The following C4orf51 variants were observed in gnomAD, a reference collection of about 807,000 sequenced individuals.
The protein encoded by C4orf51 is chromosome 4 open reading frame 51.
C4orf51 carries 25 observed loss-of-function variants against 25.2 expected under a neutral mutation model. The ratio of observed to expected loss-of-function variants is 0.99; its 90% CI spans 0.72 to 1.39. C4orf51 has a LOEUF of 1.39. C4orf51 is among the 40% of genes most tolerant of loss of function. The pLI is 0.00. For missense variants in C4orf51, 252 were observed against 239.6 expected (o/e 1.05, Z -0.34); for synonymous variants, 100 against 84.5 (o/e 1.18, Z -1.01).
the C4orf51 span, among the ~76,000 whole-genome samples, chr4:145,786,119 T>C: frequency 6.6e-6 from 1 of 152,120 alleles, no homozygotes; most frequent in Non-Finnish European, 1.5e-5. Context: ...TTTGGTAAAA[T>C]TAAACAAACA....
intron 1 of C4orf51, among the ~76,000 whole-genome samples, chr4:145,685,517 G>A (rs1729098103): frequency 6.6e-6 from 1 of 152,178 alleles, no homozygotes; most frequent in Admixed American, 6.5e-5. Flanking sequence ...TGTGTGAGAG[G>A]GTCGTGCTCA....
At position 145,688,609 on chromosome 4, in the gene C4orf51, C is replaced by T. The variant is rs550052400; in HGVS notation, c.234-7950C>T. ...TGCCTTGCTTCCCCTTTGTCTTCTG[C>T]CATGATTGTAAGTTTCCTGAGGCCT... On this transcript the variant is annotated intron_variant, in intron 1 of 5. Transcript: ENST00000438731. Among the ~76,000 whole-genome samples, 27 of 152,302 alleles carry T rather than the reference C, an allele frequency of 1.8e-4. No individual in the cohort carries two copies. In the South Asian group the frequency reaches 3.3e-3, roughly 19 times the overall value.
intron 1 of C4orf51, among the ~76,000 whole-genome samples, chr4:145,748,959 G>A (rs924443684): frequency 2.0e-5 from 3 of 151,644 alleles, no homozygotes; most frequent in East Asian, 1.9e-4. Context: ...AACGCTGAAG[G>A]TGGGATGTTG....
downstream of C4orf51, among the ~76,000 whole-genome samples, chr4:145,733,559 CT>C (rs1732631358): frequency 6.6e-6 from 1 of 152,236 alleles, no homozygotes; most frequent in South Asian, 2.1e-4. Context: ...CCCACACCCC[CT>C]TCCGTTTACT....
chr4:145,715,528 C>T (rs1731363610), intron 2 of C4orf51, among the ~76,000 whole-genome samples: 7 of 152,122 alleles, frequency 4.6e-5, no homozygotes. Context: ...TAAAGGGAAA[C>T]TGTTCTTCTT....
rs530013890 is a variant in C4orf51 at position 145,762,863 on chromosome 4, T to TG, written n.167-8124dup. 1.3e-5 allele frequency among the ~76,000 whole-genome samples: 2 copies of TG among 152,352 alleles called. No homozygotes were observed. Among genetic ancestry groups the TG allele is most frequent in the South Asian group, 4.1e-4 (2 of 4,828 alleles). ...ATGCAAAAGTGGCTGCCTCAGCTCT[T>TG]GCTTGGCTCCTGCAGGGCAGGGCTC... On this transcript the variant is annotated intron_variant and non_coding_transcript_variant, in intron 1 of 1. Coordinates refer to the C4orf51 transcript ENST00000510096. The surrounding 1 kb of genome is among the most constrained non-coding windows in gnomAD (Gnocchi z 4.9).
chr4:145,760,924 A>C (rs891295594), intron 1 of C4orf51: 2 of 1,234,084 alleles, frequency 1.6e-6, no homozygotes, highest in African/African-American at 3.1e-5. Flanking sequence ...TGTCAAGGGA[A>C]TGAGATGGGC....
intron 1 of C4orf51, among the ~76,000 whole-genome samples, chr4:145,741,436 A>G (rs1318585965): frequency 6.6e-6 from 1 of 152,160 alleles, no homozygotes; most frequent in Non-Finnish European, 1.5e-5. Context: ...TATTTGGCTA[A>G]CAGAAACTGG....
At chr4:145,786,194 C>T in the C4orf51 span, among the ~76,000 whole-genome samples, 13 of 152,286 alleles carry the variant, frequency 8.5e-5, no homozygotes, top group African/African-American at 2.6e-4. Flanking sequence ...TGTTTCCTTT[C>T]AATTTTAACA....
chr4:145,695,017 A>G (rs1729960357), intron 1 of C4orf51, among the ~76,000 whole-genome samples: 1 of 152,224 alleles, frequency 6.6e-6, no homozygotes, highest in African/African-American at 2.4e-5. Context: ...ACAGTTGGGA[A>G]TATGGAAAGA....
intron 2 of C4orf51, among the ~76,000 whole-genome samples, chr4:145,706,682 C>T (rs1730829337): frequency 6.6e-6 from 1 of 152,088 alleles, no homozygotes; most frequent in Admixed American, 6.5e-5. Flanking sequence ...GCTCTGTCGC[C>T]CAGCCTGGAG....
At chr4:145,743,623 G>T (rs1324169836) in intron 1 of C4orf51, among the ~76,000 whole-genome samples, 1 of 152,212 alleles carries the variant, frequency 6.6e-6, no homozygotes, top group African/African-American at 2.4e-5. Flanking sequence ...AGTGCTGCTA[G>T]AATTATCTTC....
intron 2 of C4orf51, among the ~76,000 whole-genome samples, chr4:145,702,820 A>G (rs1488747573): frequency 6.6e-6 from 1 of 151,752 alleles, no homozygotes; most frequent in Non-Finnish European, 1.5e-5. Flanking sequence ...ATCACCAATC[A>G]TTCTATATGA....
At chr4:145,766,495 C>G (rs930620138) in intron 1 of C4orf51, among the ~76,000 whole-genome samples, 1 of 152,192 alleles carries the variant, frequency 6.6e-6, no homozygotes, top group East Asian at 1.9e-4. Flanking sequence ...CCTTGAGACT[C>G]TCCAGGCTTC....
At chr4:145,777,430 T>C in the C4orf51 span, among the ~76,000 whole-genome samples, 1 of 152,228 alleles carries the variant, frequency 6.6e-6, no homozygotes, top group Non-Finnish European at 1.5e-5. Flanking sequence ...CCTGATGCCT[T>C]TATAAACGGT....
intron 5 of C4orf51, among the ~76,000 whole-genome samples, chr4:145,731,564 CTTTTTTTTTTTTTTTTT>C (rs398051305): frequency 1.1e-4 from 5 of 43,862 alleles, no homozygotes; most frequent in Admixed American, 3.9e-4. Flanking sequence ...CAAGGCAAAT[CTTTTTTTTTTTTTTTTT>C]TTTTTTTTTT....
chr4:145,701,235 T>A (rs375497101), intron 2 of C4orf51, among the ~76,000 whole-genome samples: 3 of 148,976 alleles, frequency 2.0e-5, no homozygotes, highest in African/African-American at 2.5e-5. Flanking sequence ...TGTACAATAA[T>A]AAAAAAAAAA....
chr4:145,685,424 C>T (rs544069258), intron 1 of C4orf51, among the ~76,000 whole-genome samples: 16 of 152,272 alleles, frequency 1.1e-4, no homozygotes, highest in Non-Finnish European at 1.2e-4. Flanking sequence ...CTAGGGGCAT[C>T]GGCAAGACTC....
chr4:145,730,619 C>A (rs1335825583), intron 5 of C4orf51, among the ~76,000 whole-genome samples: 1 of 151,808 alleles, frequency 6.6e-6, no homozygotes, highest in Non-Finnish European at 1.5e-5. Context: ...ATTAAGATTT[C>A]TCTTTAACTT....
Sources: allele counts gnomAD v4.1 joint callset (sites outside exome capture counted in the v4.1 genomes callset), GRCh38; gene constraint gnomAD v4.1.1; non-coding constraint Gnocchi (gnomAD v3.1); transcripts MANE v1.5; gene names NCBI Gene and HGNC (gene_info 2026-07-23, HGNC 2026-07-21).